Variants in ZBTB21 observed in about 807,000 individuals in gnomAD.
ZBTB21 encodes the protein zinc finger and BTB domain containing 21.
Under a neutral mutation model 39.8 loss-of-function variants are expected in ZBTB21, and 10 were observed. That is an observed-to-expected ratio of 0.25 (90% CI 0.16 to 0.43). The LOEUF is 0.43. ZBTB21 is among the 20% of genes least tolerant of loss of function. ZBTB21 has a pLI of 1.00. For missense variants in ZBTB21, 1,221 were observed against 1,296.3 expected, an observed-to-expected ratio of 0.94 and a Z score of 0.89; for synonymous variants, 551 against 498.8, an observed-to-expected ratio of 1.10 and a Z score of -1.40.
At position 41,991,172 on chromosome 21, in the gene ZBTB21, C is replaced by A. The variant is rs767404797; in HGVS notation, c.2924G>T (p.Cys975Phe). ...EESAHKESEV[C>F]PVPTNSPSPP... The stretch of plus-strand genomic sequence containing the variant: ...AGAGGGAGAGTTTGTGGGAACAGGG[C>A]ACACCTCAGATTCCTTATGTGCCGA... The change falls in exon 3 of 3, where the codon TGC (cysteine) becomes TTC (phenylalanine). Residue 975 changes from cysteine (C) to phenylalanine (F), a missense_variant. This residue lies in a region of ZBTB21 where 523 missense variants were observed against 542.5 expected (regional missense o/e 0.96). Coordinates refer to ENST00000310826, the MANE Select transcript of ZBTB21 (RefSeq NM_001098402.2). This position sits in a 1 kb window ranked among gnomAD's most constrained non-coding sequence, Gnocchi z 4.9. 36 of 1,614,100 alleles carry A rather than the reference C, an allele frequency of 2.2e-5. No homozygotes were observed. The highest frequency in any genetic ancestry group is 3.0e-5 in the Non-Finnish European group (35 of 1,180,018).
In ZBTB21 at chr21:41,994,472, G is replaced by C. The variant is rs150360814; in HGVS notation, c.-13-364C>G. On this transcript the variant is annotated intron_variant, in intron 2 of 2. Transcript: ENST00000310826. ...CTTGGCACTATTCCTTACCAATTCA[G>C]AAAACAAGTACGAATTATCAAACCC... Among the ~76,000 whole-genome samples the C allele has an allele frequency of 4.6e-5, 7 of 152,310 alleles. No homozygotes were observed. In the East Asian group the frequency reaches 5.8e-4, roughly 13 times the overall value.
chr21:42,007,475 T>G (rs1429668918), intron 1 of ZBTB21, among the ~76,000 whole-genome samples: 1 of 152,184 alleles, frequency 6.6e-6, no homozygotes, highest in African/African-American at 2.4e-5. Flanking sequence ...AACTTGCATA[T>G]CCAGCCTCTG....
chr21:41,994,155 T>A (rs1009858821), intron 2 of ZBTB21, 47 bp from the exon 3 acceptor site: 5 of 1,494,774 alleles, frequency 3.3e-6, no homozygotes, highest in Non-Finnish European at 4.5e-6. Flanking sequence ...AGTGAAAAGT[T>A]CCCCTGGCTC....
chr21:41,998,582 G>T (rs1347716059), intron 2 of ZBTB21, among the ~76,000 whole-genome samples: 1 of 152,116 alleles, frequency 6.6e-6, no homozygotes. Context: ...AACTATCTGT[G>T]ACGGTTTTAT....
chr21:42,008,750 G>A (rs954027700), intron 1 of ZBTB21, among the ~76,000 whole-genome samples: 1 of 152,094 alleles, frequency 6.6e-6, no homozygotes, highest in Non-Finnish European at 1.5e-5. Context: ...TCAACAGAAT[G>A]AAGCACATTA....
Position 41,990,818 on chromosome 21 carries a change from T to C in ZBTB21, c.*77A>G, listed in dbSNP as rs2065639601. The C allele has an allele frequency of 8.3e-6, 11 of 1,324,800 alleles. No individual in the cohort carries two copies. The South Asian group carries it at 2.1e-4, about 25-fold the overall frequency. 82.1% of individuals were successfully genotyped at this position (1,324,800 alleles called of 1,614,324 possible). On this transcript the variant is annotated 3_prime_UTR_variant, in exon 3 of 3. Transcript: ENST00000310826. Reference sequence around the variant, plus strand: ...TTTATTATTCTTGTTTAAAAAATATTTTGTTTCTTATGACACATTTCACAA... The same window carrying C: ...TTTATTATTCTTGTTTAAAAAATATCTTGTTTCTTATGACACATTTCACAA...
chr21:41,990,758 C>T lies in ZBTB21; in HGVS notation c.*137G>A. 1.2e-6 allele frequency: 1 copy of T among 854,022 alleles called. No individual in the cohort carries two copies. 52.9% of individuals were successfully genotyped at this position (854,022 alleles called of 1,614,324 possible). On this transcript the variant is annotated 3_prime_UTR_variant, in exon 3 of 3. Coordinates refer to ENST00000310826, the MANE Select transcript of ZBTB21 (RefSeq NM_001098402.2). ...CATTACTAAGTAATTATCAATTTGC[C>T]TCCAACTTAATTTCAAGCGTAACAA... is the stretch of plus-strand genomic sequence containing the variant.
At chr21:42,003,608 G>A (rs1354701038) in intron 1 of ZBTB21, among the ~76,000 whole-genome samples, 2 of 152,130 alleles carry the variant, frequency 1.3e-5, no homozygotes, top group African/African-American at 4.8e-5. Context: ...TACTTTCTGA[G>A]CAACGACATG....
At position 41,991,508 on chromosome 21, in the gene ZBTB21, CAA is replaced by C. The variant is rs1333266673; in HGVS notation, c.2586_2587del (p.Cys863SerfsTer6). ...GGAAAGACTAAGGTCTTCGGGAAGACAAGAGGAATCTTCCGAGTCGAAGTTAA... is the reference window on the plus strand; with the variant it reads ...GGAAAGACTAAGGTCTTCGGGAAGACGAGGAATCTTCCGAGTCGAAGTTAA... On this transcript the variant is annotated frameshift_variant, in exon 3 of 3. Coordinates refer to ENST00000310826, the MANE Select transcript of ZBTB21 (RefSeq NM_001098402.2). LOFTEE classifies it low-confidence loss of function (END_TRUNC). The surrounding 1 kb of genome is among the most constrained non-coding windows in gnomAD (Gnocchi z 4.9). 6.2e-7 allele frequency: 1 copy of C among 1,614,054 alleles called. No homozygotes were observed. Among genetic ancestry groups the C allele is most frequent in the Non-Finnish European group, 8.5e-7 (1 of 1,180,046 alleles).
At position 41,988,848 on chromosome 21, in the gene ZBTB21, A is replaced by G. The variant is rs985307109; in HGVS notation, c.*2047T>C. The G allele has an allele frequency of 6.6e-6, 1 of 152,116 alleles. No individual in the cohort carries two copies. Among genetic ancestry groups the G allele is most frequent in the Non-Finnish European group, 1.5e-5 (1 of 67,978 alleles). 9.4% of individuals were successfully genotyped at this position (152,116 alleles called of 1,614,324 possible). ...GTTTAGGTCCTGGGATACTGAATTT[A>G]TAATGCCAAGATACTCTGTATCATG... On this transcript the variant is annotated 3_prime_UTR_variant, in exon 3 of 3. Transcript: ENST00000310826.
chr21:42,001,835 C>T lies in ZBTB21; in HGVS notation c.-14+1062G>A, dbSNP rs537559685. On this transcript the variant is annotated intron_variant, in intron 2 of 2. Transcript: ENST00000310826. ...ATCTCCATTCTACAGATGAGAAAAC[C>T]GAGGCACAGAGGGTTAAGTAACATG... Among the ~76,000 whole-genome samples, 70 of 152,166 alleles carry T rather than the reference C, an allele frequency of 4.6e-4. 1 individual carries two copies. Among genetic ancestry groups the T allele is most frequent in the African/African-American group, 1.5e-3 (61 of 41,508 alleles).
chr21:42,003,101 T>A (rs2065837346), intron 1 of ZBTB21, 140 bp from the exon 2 acceptor site: 2 of 152,282 alleles, frequency 1.3e-5, no homozygotes, highest in African/African-American at 4.8e-5. Flanking sequence ...CTTCTAAAGA[T>A]GACTCAACCT....
In ZBTB21 at chr21:41,992,614, A is replaced by C. The variant is rs61751934; in HGVS notation, c.1482T>G (p.Phe494Leu). The change falls in exon 3 of 3, where the codon TTT becomes TTG. Residue 494 changes from phenylalanine (F) to leucine (L), a missense_variant. By Grantham distance (22) the Phe-to-Leu change is conservative. This residue lies in a region of ZBTB21 where 500 missense variants were observed against 465.6 expected (regional missense o/e 1.07). Transcript: ENST00000310826. This position sits in a 1 kb window ranked among gnomAD's most constrained non-coding sequence, Gnocchi z 4.1. ...RRFQADRRLP[F>L]KKLKVNEHGS... Reference sequence around the variant, plus strand: ...CGTGCTCATTCACCTTTAACTTCTTAAACGGCAATCTTCGGTCCGCTTGGA... The same window carrying C: ...CGTGCTCATTCACCTTTAACTTCTTCAACGGCAATCTTCGGTCCGCTTGGA... The C allele has an allele frequency of 6.2e-7, 1 of 1,614,156 alleles. No homozygotes were observed. The highest frequency in any genetic ancestry group is 2.2e-5 in the East Asian group (1 of 44,886).
At position 41,992,294 on chromosome 21, in the gene ZBTB21, A is replaced by G. The variant is rs2065672096; in HGVS notation, c.1802T>C (p.Val601Ala). ...WTHCQTQHGI[V>A]KNPSPASSSH... ...ACTAGAGGCTGGTGATGGGTTCTTCACTATGCCGTGTTGGGTCTGACAGTG... is the reference window on the plus strand; with the variant it reads ...ACTAGAGGCTGGTGATGGGTTCTTCGCTATGCCGTGTTGGGTCTGACAGTG... The change falls in exon 3 of 3, where the codon GTG (valine) becomes GCG (alanine). Residue 601 changes from valine to alanine, a missense_variant. Val to Ala is a moderately conservative substitution (Grantham distance 64). Coordinates refer to ENST00000310826, the MANE Select transcript of ZBTB21 (RefSeq NM_001098402.2). The surrounding 1 kb of genome is among the most constrained non-coding windows in gnomAD (Gnocchi z 4.1). The G allele has an allele frequency of 6.2e-7, 1 of 1,613,982 alleles. No individual in the cohort carries two copies. The highest frequency in any genetic ancestry group is 8.5e-7 in the Non-Finnish European group (1 of 1,180,026).
chr21:41,988,023 G>A lies in ZBTB21; in HGVS notation c.*2872C>T, dbSNP rs1333466330. On this transcript the variant is annotated 3_prime_UTR_variant, in exon 3 of 3. Coordinates refer to ENST00000310826, the MANE Select transcript of ZBTB21 (RefSeq NM_001098402.2). ...TCACACATCTCCCCACAAATGCAAA[G>A]AACATCACTGTTGAATTGTTAGTTG... 3.3e-5 allele frequency: 5 copies of A among 152,144 alleles called. No individual in the cohort carries two copies. The highest frequency in any genetic ancestry group is 3.3e-4 in the Admixed American group (5 of 15,270). 9.4% of individuals were successfully genotyped at this position (152,144 alleles called of 1,614,324 possible).
chr21:42,006,107 T>TATTTG (rs1157665509), intron 1 of ZBTB21, among the ~76,000 whole-genome samples: 5 of 152,204 alleles, frequency 3.3e-5, no homozygotes, highest in African/African-American at 1.2e-4. Flanking sequence ...TAAAATCTGG[T>TATTTG]TTCAAATGAC....
chr21:41,996,447 A>G (rs2065748168), intron 2 of ZBTB21, among the ~76,000 whole-genome samples: 1 of 152,176 alleles, frequency 6.6e-6, no homozygotes, highest in Non-Finnish European at 1.5e-5. Context: ...GGGGCCTGTA[A>G]GCCTCTGTTT....
chr21:42,008,340 TACAAAAAAAA>T (rs2065905801), intron 1 of ZBTB21, among the ~76,000 whole-genome samples: 2 of 7,200 alleles, frequency 2.8e-4, no homozygotes, highest in African/African-American at 1.6e-3. Context: ...ACCCCGTCTC[TACAAAAAAAA>T]AAAAAAAAAA....
Position 41,993,597 on chromosome 21 carries a change from G to C in ZBTB21, c.499C>G (p.Gln167Glu). The change falls in exon 3 of 3, where the codon CAA (glutamine) becomes GAA (glutamate). Residue 167 changes from glutamine to glutamate, a missense_variant. By Grantham distance (29) the Gln-to-Glu change is conservative (BLOSUM62 2). This residue lies in a region of ZBTB21 where 500 missense variants were observed against 465.6 expected (regional missense o/e 1.07). Coordinates refer to ENST00000310826, the MANE Select transcript of ZBTB21 (RefSeq NM_001098402.2). ...CGGGAAGTATGGCTTACATCGGGTT[G>C]ATTTTGACTAACAGTTTTTCCTTGC... ...EAQGKTVSQN[Q>E]PDVSHTSRPS... is the part of the protein sequence containing the mutation. 6.2e-7 allele frequency: 1 copy of C among 1,614,220 alleles called. No individual in the cohort carries two copies. The highest frequency in any genetic ancestry group is 8.5e-7 in the Non-Finnish European group (1 of 1,180,042).
Sources: gnomAD v4.1 joint callset for allele counts (sites outside exome capture counted in the v4.1 genomes callset) on GRCh38, gnomAD v4.1.1 for gene constraint, gnomAD v4.1.1 regional missense constraint, Gnocchi (gnomAD v3.1) non-coding constraint, MANE v1.5 for transcripts, NCBI Gene and HGNC (gene_info 2026-07-23, HGNC 2026-07-21) for gene names.